Variants in KCNMA1 observed in about 807,000 individuals in gnomAD.
The protein encoded by KCNMA1 is Calcium-activated potassium channel subunit alpha-1.
KCNMA1 carries 29 observed loss-of-function variants against 140.0 expected under a neutral mutation model. That is an observed-to-expected ratio of 0.21 (90% CI 0.15 to 0.28). The LOEUF is 0.28. Ranked by LOEUF, KCNMA1 falls within the 10% of genes least tolerant of loss-of-function variation. KCNMA1 has a pLI of 1.00. For missense variants in KCNMA1, 880 were observed against 1,602.2 expected (o/e 0.55, Z 7.70); for synonymous variants, 612 against 611.9 (o/e 1.00, Z 0.00).
intron 1 of KCNMA1, among the ~76,000 whole-genome samples, chr10:77,626,909 T>C (rs544003278): frequency 6.6e-6 from 1 of 152,320 alleles, no homozygotes; most frequent in East Asian, 1.9e-4. Context: ...ATCCATCCAA[T>C]TAGCTATTTA....
chr10:77,635,083 T>C (rs1225627432), intron 1 of KCNMA1: 1 of 152,266 alleles, frequency 6.6e-6, no homozygotes, highest in Non-Finnish European at 1.5e-5. Context: ...CTTCCAGTTA[T>C]GTCCACTCAG....
At chr10:77,590,334 C>A (rs777242107) in intron 1 of KCNMA1, among the ~76,000 whole-genome samples, 2 of 152,198 alleles carry the variant, frequency 1.3e-5, no homozygotes, top group Non-Finnish European at 2.9e-5. Context: ...GAGCAGGGGG[C>A]GGCGCTCCTC....
intron 1 of KCNMA1, among the ~76,000 whole-genome samples, chr10:77,588,699 T>G (rs2078037212): frequency 6.6e-6 from 1 of 152,228 alleles, no homozygotes; most frequent in African/African-American, 2.4e-5. Context: ...TAGATAATAT[T>G]ATCTTCTTTC....
chr10:77,601,497 G>A (rs1418256363), intron 1 of KCNMA1, among the ~76,000 whole-genome samples: 10 of 152,086 alleles, frequency 6.6e-5, no homozygotes, highest in Admixed American at 6.5e-4. Flanking sequence ...CCTTAGACTC[G>A]GACCATGTGA....
intron 23 of KCNMA1, among the ~76,000 whole-genome samples, chr10:76,921,709 T>C (rs940440667): frequency 8.5e-5 from 13 of 152,092 alleles, no homozygotes; most frequent in African/African-American, 3.1e-4. Context: ...GTAAAGAAAA[T>C]TCCATGTATA....
intron 23 of KCNMA1, among the ~76,000 whole-genome samples, chr10:76,941,089 A>G (rs12774715): frequency 4.7e-5 from 3 of 63,588 alleles, no homozygotes; most frequent in African/African-American, 9.8e-5. Flanking sequence ...AAGAAAGAGA[A>G]AGAAAGAAAG....
chr10:77,056,707 G>A (rs2095553943), intron 14 of KCNMA1, among the ~76,000 whole-genome samples: 1 of 152,062 alleles, frequency 6.6e-6, no homozygotes, highest in Non-Finnish European at 1.5e-5. Context: ...TAAAAGACGG[G>A]ATGCATAATT....
At chr10:77,339,917 G>T (rs1437342003) in intron 2 of KCNMA1, among the ~76,000 whole-genome samples, 1 of 152,210 alleles carries the variant, frequency 6.6e-6, no homozygotes, top group Non-Finnish European at 1.5e-5. Flanking sequence ...TTGCAGCCAT[G>T]AGTGAAAAGC....
At chr10:76,935,272 T>C (rs2060262813) in intron 23 of KCNMA1, among the ~76,000 whole-genome samples, 1 of 152,252 alleles carries the variant, frequency 6.6e-6, no homozygotes, top group Non-Finnish European at 1.5e-5. Flanking sequence ...GAAGTGAGGC[T>C]GGCACACCTT....
chr10:77,484,315 A>G (rs1218635339), intron 1 of KCNMA1, among the ~76,000 whole-genome samples: 1 of 152,234 alleles, frequency 6.6e-6, no homozygotes, highest in African/African-American at 2.4e-5. Flanking sequence ...GATGTGCCCA[A>G]GGTCACAGAG....
chr10:77,572,649 A>T (rs1279775107), intron 1 of KCNMA1, among the ~76,000 whole-genome samples: 5 of 128,876 alleles, frequency 3.9e-5, no homozygotes, highest in African/African-American at 1.5e-4. Context: ...CCAGCTACTC[A>T]GGAGGCTGAG....
chr10:76,893,196 A>G (rs2040955793), intron 25 of KCNMA1, among the ~76,000 whole-genome samples: 1 of 152,148 alleles, frequency 6.6e-6, no homozygotes, highest in Non-Finnish European at 1.5e-5. Context: ...AAATGTAATA[A>G]TAGAAGGCTG....
intron 1 of KCNMA1, among the ~76,000 whole-genome samples, chr10:77,630,232 G>A (rs2619620): frequency 0.25 from 37,513 of 152,054 alleles, 5,109 homozygotes; most frequent in African/African-American, 0.34. Context: ...GCCAGCCTGG[G>A]GCATCACCGC....
At chr10:77,550,071 C>A (rs7071891) in intron 1 of KCNMA1, among the ~76,000 whole-genome samples, 25,276 of 152,040 alleles carry the variant, frequency 0.17, 2,917 homozygotes, top group East Asian at 0.54. Context: ...TGCACGCACC[C>A]CCAGCCCAGC....
intron 1 of KCNMA1, among the ~76,000 whole-genome samples, chr10:77,419,819 T>A (rs542047228): frequency 6.6e-6 from 1 of 152,296 alleles, no homozygotes; most frequent in East Asian, 1.9e-4. Flanking sequence ...GTCACAGCCC[T>A]GGAAAGCAGG....
chr10:77,131,082 A>AAACAGGAG (rs1297588746), intron 5 of KCNMA1, among the ~76,000 whole-genome samples: 1 of 152,312 alleles, frequency 6.6e-6, no homozygotes, highest in East Asian at 1.9e-4. Flanking sequence ...CTGGGGTGCC[A>AAACAGGAG]AACAGGAGTA....
Position 77,193,049 on chromosome 10 carries a change from G to GTT in KCNMA1, c.603-8135_603-8134dup, listed in dbSNP as rs34588382. ...AGTTTGTTATTCTCCTTTTTTCCTA[G>GTT]TTTTTTTTTTTAGAGATGAGAGCTT... On this transcript the variant is annotated intron_variant, in intron 3 of 27. Coordinates refer to ENST00000286628, the MANE Select transcript of KCNMA1 (RefSeq NM_001161352.2). 2.1e-3 allele frequency among the ~76,000 whole-genome samples: 306 copies of GTT among 148,122 alleles called. No homozygotes were observed. The Middle Eastern group carries it at 0.028, about 13-fold the overall frequency.
At chr10:77,584,511 C>A (rs565087401) in intron 1 of KCNMA1, among the ~76,000 whole-genome samples, 3 of 152,096 alleles carry the variant, frequency 2.0e-5, no homozygotes, top group African/African-American at 7.2e-5. Context: ...CATGCCACCA[C>A]GCCCAGCTAA....
chr10:77,533,603 G>GC (rs1400176639), intron 1 of KCNMA1, among the ~76,000 whole-genome samples: 1 of 151,948 alleles, frequency 6.6e-6, no homozygotes, highest in African/African-American at 2.4e-5. Context: ...GCCAGGCTCT[G>GC]CCCCTCCCCC....
Sources: allele counts gnomAD v4.1 joint callset (sites outside exome capture counted in the v4.1 genomes callset), GRCh38; gene constraint gnomAD v4.1.1; transcripts MANE v1.5; gene names NCBI Gene and HGNC (gene_info 2026-07-23, HGNC 2026-07-21).